PHIP: variants seen among roughly 807,000 people sequenced by gnomAD.
PHIP encodes the protein PHIP subunit of CUL4-Ring ligase complex, also known as PH-interacting protein.
A neutral mutation model predicts 236.8 loss-of-function variants in PHIP; 54 were observed. The observed-to-expected ratio is 0.23, with a 90% CI of 0.18 to 0.29. The LOEUF is 0.29. Ranked by LOEUF, PHIP falls within the 10% of genes least tolerant of loss-of-function variation. The pLI, the probability that PHIP is intolerant of heterozygous loss-of-function variation, is 1.00. For synonymous variants in PHIP, 756 were observed against 718.9 expected (o/e 1.05, Z -0.83); for missense variants, 1,370 against 2,190.8 (o/e 0.63, Z 7.48).
At chr6:79,006,622 C>T (rs184663209) in intron 15 of PHIP, among the ~76,000 whole-genome samples, 38 of 152,010 alleles carry the variant, frequency 2.5e-4, no homozygotes, top group African/African-American at 6.5e-4. Flanking sequence ...AAATGCACTG[C>T]GTATCAAGAA....
At chr6:79,057,955 C>T (rs1444398908) in intron 6 of PHIP, among the ~76,000 whole-genome samples, 2 of 152,062 alleles carry the variant, frequency 1.3e-5, no homozygotes, top group Admixed American at 6.6e-5. Flanking sequence ...CAGACACTAA[C>T]CTATGACTAT....
At chr6:78,954,331 C>T (rs1289770022) in intron 35 of PHIP, among the ~76,000 whole-genome samples, 1 of 151,982 alleles carries the variant, frequency 6.6e-6, no homozygotes, top group Admixed American at 6.5e-5. Flanking sequence ...TGGTCTCGAT[C>T]TCCTGACCTC....
At chr6:78,958,342 C>A in intron 32 of PHIP, 133 bp downstream of exon 32, 1 of 585,652 alleles carries the variant, frequency 1.7e-6, no homozygotes, top group Middle Eastern at 4.7e-4. Flanking sequence ...CAGTCTAATG[C>A]TCTCCCAGCT....
chr6:79,077,528 G>C (rs1328216630), intron 3 of PHIP, 21 bp from the exon 4 acceptor site: 1 of 1,492,570 alleles, frequency 6.7e-7, no homozygotes, highest in Non-Finnish European at 9.0e-7. Flanking sequence ...AGGACACCCC[G>C]TGAGCCCGGC....
At position 78,936,500 on chromosome 6, in the gene PHIP, T is replaced by C. The variant is rs1462366874; in HGVS notation, c.*4193A>G. On this transcript the variant is annotated 3_prime_UTR_variant, in exon 40 of 40. Coordinates refer to ENST00000275034, the MANE Select transcript of PHIP (RefSeq NM_017934.7). ...CATGTGTGCATCTGCCTTATATGCA[T>C]GTACTATATTCCATCTTGAACCTAT... 6.6e-6 allele frequency: 1 copy of C among 151,892 alleles called. No individual in the cohort carries two copies. Among genetic ancestry groups the C allele is most frequent in the Non-Finnish European group, 1.5e-5 (1 of 67,790 alleles). The allele number at this position is 151,892 out of a possible 1,614,324, so 9.4% of individuals were successfully genotyped here.
At chr6:78,955,155 G>T in intron 34 of PHIP, 77 bp downstream of exon 34, 1 of 1,037,954 alleles carries the variant, frequency 9.6e-7, no homozygotes, top group South Asian at 1.6e-5. Context: ...AAAATGCTAA[G>T]AGTAAAAAAA....
At chr6:78,960,972 A>G (rs1011878213) in intron 31 of PHIP, among the ~76,000 whole-genome samples, 29 of 152,112 alleles carry the variant, frequency 1.9e-4, no homozygotes, top group Non-Finnish European at 3.7e-4. Context: ...ATGTTACACA[A>G]ATTAAATTGT....
intron 24 of PHIP, among the ~76,000 whole-genome samples, chr6:78,972,636 T>C (rs1767678205): frequency 6.6e-6 from 1 of 151,836 alleles, no homozygotes; most frequent in East Asian, 1.9e-4. Flanking sequence ...TTGAAAAAAA[T>C]TTAGAAGAAT....
chr6:78,954,842 C>T lies in PHIP; in HGVS notation c.4025G>A (p.Arg1342His). The change falls in exon 35 of 40, where the codon CGT (arginine) becomes CAT (histidine). Residue 1342 changes from arginine (R) to histidine (H), a missense_variant. Transcript: ENST00000275034. Reference protein sequence around the residue: ...IFQCEDSEPFRQPVDLLEYPD... With the variant: ...IFQCEDSEPFHQPVDLLEYPD... ...ATATTCAAGGAGATCTACCGGCTGA[C>T]GGAAAGGCTCTGAATCTTCACATTG... 3 of 1,580,136 alleles carry T rather than the reference C, an allele frequency of 1.9e-6. No individual in the cohort carries two copies. The highest frequency in any genetic ancestry group is 1.7e-6 in the Non-Finnish European group (2 of 1,168,876).
chr6:78,961,835 A>C (rs1327294046), intron 30 of PHIP, 25 bp from the exon 31 acceptor site: 1 of 1,563,710 alleles, frequency 6.4e-7, no homozygotes, highest in Non-Finnish European at 8.7e-7. Flanking sequence ...TAAGTTTGTA[A>C]ATTTATTTTT....
Position 78,957,483 on chromosome 6 carries a change from A to G in PHIP, c.3782+992T>C, listed in dbSNP as rs552519723. On this transcript the variant is annotated intron_variant, in intron 32 of 39. Transcript: ENST00000275034. ...TATTAATTATGTTTGGTGTTTTCTT[A>G]TACTGAAATGACCTGCATTCCTCAG... 2.0e-5 allele frequency: 3 copies of G among 151,980 alleles called. No individual in the cohort carries two copies. In the East Asian group the frequency reaches 5.8e-4, roughly 29 times the overall value. The allele number at this position is 151,980 out of a possible 1,614,324, so 9.4% of individuals were successfully genotyped here. A position where few individuals can be genotyped will look rare whatever the true frequency, so the allele number is the denominator to read the frequency against.
intron 6 of PHIP, among the ~76,000 whole-genome samples, chr6:79,056,095 A>C (rs1247771332): frequency 1.3e-5 from 2 of 152,220 alleles, no homozygotes; most frequent in African/African-American, 4.8e-5. Context: ...AAGAGCAATA[A>C]AACATAATGT....
intron 3 of PHIP, 63 bp downstream of exon 3, chr6:79,077,637 C>G (rs1437803006): frequency 1.6e-5 from 15 of 913,568 alleles, no homozygotes; most frequent in Admixed American, 6.4e-5. Context: ...GCGGCAGCGG[C>G]GGCGCAGCGG....
intron 17 of PHIP, among the ~76,000 whole-genome samples, chr6:79,001,344 C>T (rs1382057591): frequency 6.6e-6 from 1 of 152,056 alleles, no homozygotes; most frequent in East Asian, 1.9e-4. Flanking sequence ...CTTTCCATGT[C>T]AATCCTCTTA....
chr6:78,985,371 G>T lies in PHIP; in HGVS notation c.2518C>A (p.His840Asn). The change falls in exon 22 of 40, where the codon CAC (histidine) becomes AAC (asparagine). Residue 840 changes from histidine to asparagine, a missense_variant. Physicochemically the swap from His to Asn is moderately conservative, Grantham distance 68. This residue lies in a region of PHIP where 99 missense variants were observed against 110.0 expected (regional missense o/e 0.90). Coordinates refer to ENST00000275034, the MANE Select transcript of PHIP (RefSeq NM_017934.7). Reference protein sequence around the residue: ...GTSEEEERAWHSDGSSSDYSS... With the variant: ...GTSEEEERAWNSDGSSSDYSS... The stretch of plus-strand genomic sequence containing the variant: ...ATTTACCTAGAACTGCCATCACTGT[G>T]CCATGCTCTCTCTTCTTCTTCGGAT... 1 of 1,593,256 alleles carries T rather than the reference G, an allele frequency of 6.3e-7. No homozygotes were observed. The highest frequency in any genetic ancestry group is 8.6e-7 in the Non-Finnish European group (1 of 1,161,160).
chr6:79,050,293 T>C (rs986365781), intron 6 of PHIP, among the ~76,000 whole-genome samples: 2 of 152,184 alleles, frequency 1.3e-5, no homozygotes, highest in Non-Finnish European at 2.9e-5. Flanking sequence ...CCAGGCACTA[T>C]TCTAAATATT....
At chr6:79,016,257 A>G (rs561465847) in intron 13 of PHIP, among the ~76,000 whole-genome samples, 4 of 151,976 alleles carry the variant, frequency 2.6e-5, no homozygotes, top group Non-Finnish European at 5.9e-5. Flanking sequence ...TCTGTGATAA[A>G]CGAAACATAA....
chr6:79,058,712 C>G (rs1388384090), intron 6 of PHIP, among the ~76,000 whole-genome samples: 2 of 152,052 alleles, frequency 1.3e-5, no homozygotes, highest in African/African-American at 4.8e-5. Context: ...ATGCTTAGAA[C>G]AGTGTCTGGC....
chr6:79,000,399 G>A (rs1410873383), intron 17 of PHIP, among the ~76,000 whole-genome samples: 3 of 151,990 alleles, frequency 2.0e-5, no homozygotes, highest in Non-Finnish European at 4.4e-5. Flanking sequence ...GAGTCCCTGT[G>A]ATTCTATGAC....
Sources: allele counts gnomAD v4.1 joint callset (sites outside exome capture counted in the v4.1 genomes callset), GRCh38; gene constraint gnomAD v4.1.1; regional missense constraint gnomAD v4.1.1; transcripts MANE v1.5; gene names NCBI Gene and HGNC (gene_info 2026-07-23, HGNC 2026-07-21).